TMEM163: variants seen among roughly 807,000 people sequenced by gnomAD.
TMEM163 encodes the protein transmembrane protein 163.
A neutral mutation model predicts 29.3 loss-of-function variants in TMEM163; 17 were observed. That is an observed-to-expected ratio of 0.58 (90% CI 0.40 to 0.87). TMEM163 has a LOEUF of 0.87. TMEM163 is among the 40% of genes least tolerant of loss of function. The pLI is 0.00. For missense variants in TMEM163, 303 were observed against 381.5 expected (o/e 0.79, Z 1.71); for synonymous variants, 157 against 160.6 (o/e 0.98, Z 0.17).
intron 1 of TMEM163, among the ~76,000 whole-genome samples, chr2:134,715,663 C>G (rs1685023098): frequency 6.6e-6 from 1 of 152,182 alleles, no homozygotes. Flanking sequence ...ATGTTCCACA[C>G]ACAGGTACCT....
rs368281394 is a variant in TMEM163 at position 134,601,021 on chromosome 2, TACAC to T, written c.323-48934_323-48931del. The stretch of plus-strand genomic sequence containing the variant: ...CACTTTTGCCTTCATAGTAAAAACA[TACAC>T]ACACACGCATGTATATATATGCTTT... On this transcript the variant is annotated intron_variant, in intron 2 of 7. Transcript: ENST00000281924. Among the ~76,000 whole-genome samples the T allele has an allele frequency of 1.9e-3, 284 of 152,218 alleles. 4 individuals are homozygous for T. Among genetic ancestry groups the T allele is most frequent in the Admixed American group, 0.017 (261 of 15,284 alleles).
intron 2 of TMEM163, among the ~76,000 whole-genome samples, chr2:134,675,005 T>C (rs532110671): frequency 6.6e-6 from 1 of 152,376 alleles, no homozygotes; most frequent in South Asian, 2.1e-4. Flanking sequence ...GCAAGTGTAC[T>C]CCCATGGCAA....
chr2:134,514,219 A>G (rs1217597258), intron 4 of TMEM163, among the ~76,000 whole-genome samples: 1 of 152,172 alleles, frequency 6.6e-6, no homozygotes, highest in Non-Finnish European at 1.5e-5. Context: ...ACAAGAATGA[A>G]GAGGCCCAAG....
chr2:134,484,549 C>T (rs1053139687), intron 5 of TMEM163, among the ~76,000 whole-genome samples: 3 of 152,154 alleles, frequency 2.0e-5, no homozygotes, highest in Non-Finnish European at 2.9e-5. Flanking sequence ...TGGCATGTGC[C>T]TGTAGTCCCA....
At chr2:134,684,711 G>A (rs1386461297) in intron 2 of TMEM163, among the ~76,000 whole-genome samples, 1 of 152,030 alleles carries the variant, frequency 6.6e-6, no homozygotes, top group Non-Finnish European at 1.5e-5. Context: ...GGATCATGAG[G>A]TCAGGAGATT....
Position 134,558,691 on chromosome 2 carries a change from C to G in TMEM163, c.323-6600G>C, listed in dbSNP as rs563332836. Among the ~76,000 whole-genome samples, 35 of 152,246 alleles carry G rather than the reference C, an allele frequency of 2.3e-4. 1 individual carries two copies. The South Asian group carries it at 3.9e-3, about 17-fold the overall frequency. On this transcript the variant is annotated intron_variant, in intron 2 of 7. Transcript: ENST00000281924. ...CAACAGAGGATCAGTGCAGACAGCCCCTCCACAACCTTAAACAAAGAATGC... is the reference window on the plus strand; with the variant it reads ...CAACAGAGGATCAGTGCAGACAGCCGCTCCACAACCTTAAACAAAGAATGC...
rs553892527 is a variant in TMEM163 at position 134,534,951 on chromosome 2, G to A, written c.458+15619C>T. On this transcript the variant is annotated intron_variant, in intron 4 of 7. Transcript: ENST00000281924. ...ACCTTGCTCAAAGTCGGGGTAAGGG[G>A]AGCACTGAGATACAGGGGCCTGAAT... is the stretch of plus-strand genomic sequence containing the variant. Among the ~76,000 whole-genome samples, 39 of 152,160 alleles carry A rather than the reference G, an allele frequency of 2.6e-4. 1 individual carries two copies. In the South Asian group the frequency reaches 6.5e-3, roughly 25 times the overall value.
At chr2:134,490,099 C>T (rs557952734) in intron 5 of TMEM163, among the ~76,000 whole-genome samples, 1 of 152,180 alleles carries the variant, frequency 6.6e-6, no homozygotes, top group Non-Finnish European at 1.5e-5. Context: ...TTACAGTCTC[C>T]TTTGAGAGAC....
At chr2:134,592,853 TACAGATATTAATATAG>T (rs1558956919) in intron 2 of TMEM163, among the ~76,000 whole-genome samples, 21 of 150,942 alleles carry the variant, frequency 1.4e-4, no homozygotes, top group South Asian at 4.2e-4. Flanking sequence ...TATATAGAGA[TACAGATATTAATATAG>T]AGATAGATAG....
At chr2:134,488,161 T>C (rs1190769096) in intron 5 of TMEM163, among the ~76,000 whole-genome samples, 1 of 152,248 alleles carries the variant, frequency 6.6e-6, no homozygotes, top group Non-Finnish European at 1.5e-5. Context: ...GAGTGCCAAC[T>C]TGATTAGACT....
At chr2:134,525,550 T>C (rs1409585912) in intron 4 of TMEM163, among the ~76,000 whole-genome samples, 1 of 152,200 alleles carries the variant, frequency 6.6e-6, no homozygotes, top group Non-Finnish European at 1.5e-5. Flanking sequence ...TGTTGTGACA[T>C]TATAAGTGTT....
At chr2:134,499,705 G>A (rs79279709) in intron 5 of TMEM163, among the ~76,000 whole-genome samples, 4,805 of 152,336 alleles carry the variant, frequency 0.032, 275 homozygotes, top group African/African-American at 0.11. Context: ...GGACAGGGCT[G>A]GGGAAGGGAA....
At chr2:134,711,151 G>C (rs969817419) in intron 2 of TMEM163, among the ~76,000 whole-genome samples, 3 of 152,084 alleles carry the variant, frequency 2.0e-5, no homozygotes, top group African/African-American at 7.2e-5. Context: ...TCAAAACTAG[G>C]AAAATAATTT....
intron 2 of TMEM163, among the ~76,000 whole-genome samples, chr2:134,597,984 G>T (rs1458359879): frequency 6.6e-6 from 1 of 152,020 alleles, no homozygotes; most frequent in East Asian, 1.9e-4. Flanking sequence ...TTTTTATTGT[G>T]TCTATTTGAT....
intron 4 of TMEM163, among the ~76,000 whole-genome samples, chr2:134,549,099 T>C (rs1186456870): frequency 8.0e-6 from 1 of 124,348 alleles, no homozygotes; most frequent in Non-Finnish European, 1.6e-5. Flanking sequence ...GATTCTTAAT[T>C]TGTTAAAAAA....
chr2:134,640,378 C>A (rs1405922758), intron 2 of TMEM163, among the ~76,000 whole-genome samples: 4 of 152,106 alleles, frequency 2.6e-5, no homozygotes, highest in African/African-American at 9.7e-5. Context: ...AAAGAAATAG[C>A]TTTTGCAGGG....
At chr2:134,556,656 CA>C (rs148606005) in intron 2 of TMEM163, among the ~76,000 whole-genome samples, 6 of 151,854 alleles carry the variant, frequency 4.0e-5, no homozygotes, top group Non-Finnish European at 5.9e-5. Context: ...CTCATCTCTA[CA>C]AAAAAATTTT....
intron 2 of TMEM163, among the ~76,000 whole-genome samples, chr2:134,577,607 G>A (rs1681588390): frequency 6.6e-6 from 1 of 152,194 alleles, no homozygotes; most frequent in Non-Finnish European, 1.5e-5. Flanking sequence ...GGGCAGGAAA[G>A]GGACCAGCCT....
chr2:134,533,300 T>C (rs1680453940), intron 4 of TMEM163, among the ~76,000 whole-genome samples: 1 of 152,176 alleles, frequency 6.6e-6, no homozygotes, highest in Admixed American at 6.5e-5. Flanking sequence ...AGCACCAGGA[T>C]CCAGAACAAT....
Sources: allele counts gnomAD v4.1 joint callset (sites outside exome capture counted in the v4.1 genomes callset), GRCh38; gene constraint gnomAD v4.1.1; transcripts MANE v1.5; gene names NCBI Gene and HGNC (gene_info 2026-07-23, HGNC 2026-07-21).